Variants in TRMT10B observed in about 807,000 individuals in gnomAD.
TRMT10B encodes the protein tRNA methyltransferase 10B.
TRMT10B carries 33 observed loss-of-function variants against 43.8 expected under a neutral mutation model. The observed-to-expected ratio is 0.75, with a 90% CI of 0.57 to 1.01. The LOEUF (loss-of-function observed/expected upper bound fraction) is 1.01, where lower values mean the gene tolerates loss of function less well. Ranked by LOEUF, TRMT10B falls within the 50% of genes least tolerant of loss-of-function variation. The probability of loss-of-function intolerance (pLI) is 0.00; values close to 1 mark genes in which losing one functional copy is unlikely to be tolerated. For missense variants in TRMT10B, 362 were observed against 369.8 expected (o/e 0.98, Z 0.17); for synonymous variants, 137 against 130.6 (o/e 1.05, Z -0.34).
At chr9:37,762,177 T>C (rs1826415753) in intron 2 of TRMT10B, 60 bp downstream of exon 2, 16 of 1,511,446 alleles carry the variant, frequency 1.1e-5, no homozygotes, top group Non-Finnish European at 1.4e-5. Flanking sequence ...AAGACACCCC[T>C]GTTTTAAAGA....
intron 8 of TRMT10B, among the ~76,000 whole-genome samples, chr9:37,776,717 T>C (rs1251457043): frequency 6.6e-6 from 1 of 151,870 alleles, no homozygotes; most frequent in Non-Finnish European, 1.5e-5. Context: ...CTGGCCAACA[T>C]GGTGAAACCC....
intron 8 of TRMT10B, among the ~76,000 whole-genome samples, chr9:37,777,327 C>T (rs893966017): frequency 6.7e-6 from 1 of 148,214 alleles, no homozygotes; most frequent in African/African-American, 2.5e-5. Context: ...CTTGGCCCTT[C>T]CCCATCCCAG....
At chr9:37,770,935 G>T (rs1827508365) in intron 7 of TRMT10B, among the ~76,000 whole-genome samples, 196 bp downstream of exon 7, 1 of 152,240 alleles carries the variant, frequency 6.6e-6, no homozygotes, top group Admixed American at 6.5e-5. Flanking sequence ...GAAATCAAGA[G>T]TCGGGAACTG....
At position 37,777,857 on chromosome 9, in the gene TRMT10B, T is replaced by C. The variant is rs994365931; in HGVS notation, c.*150T>C. The C allele has an allele frequency of 1.4e-5, 8 of 560,298 alleles. No homozygotes were observed. In the East Asian group the frequency reaches 2.4e-4, roughly 17 times the overall value. 34.7% of individuals were successfully genotyped at this position (560,298 alleles called of 1,614,324 possible). ...CCTTCTCTACTGAAAATACAAAAAT[T>C]AGCCAGGTGTGGTGGCGCATACCTG... On this transcript the variant is annotated 3_prime_UTR_variant, in exon 9 of 9. Transcript: ENST00000297994.
Position 37,778,004 on chromosome 9 carries a change from C to CAA in TRMT10B, c.*306_*307dup. The CAA allele has an allele frequency of 1.1e-5, 2 of 187,556 alleles. No homozygotes were observed. Among genetic ancestry groups the CAA allele is most frequent in the Non-Finnish European group, 2.2e-5 (2 of 92,450 alleles). 11.6% of individuals were successfully genotyped at this position (187,556 alleles called of 1,614,324 possible). A position where few individuals can be genotyped will look rare whatever the true frequency, so the allele number is the denominator to read the frequency against. On this transcript the variant is annotated 3_prime_UTR_variant, in exon 9 of 9. Coordinates refer to ENST00000297994, the MANE Select transcript of TRMT10B (RefSeq NM_144964.4). ...TGGGTGACAGAGCAAGACTCCATCT[C>CAA]AAAAAAAAAATAAATAAAAAAAAAT...
chr9:37,766,296 T>C (rs1270516827), intron 4 of TRMT10B, among the ~76,000 whole-genome samples: 1 of 152,210 alleles, frequency 6.6e-6, no homozygotes, highest in Non-Finnish European at 1.5e-5. Flanking sequence ...TTTCTACATA[T>C]GGCTAGCCAG....
At chr9:37,767,808 A>T (rs1489726338) in intron 4 of TRMT10B, among the ~76,000 whole-genome samples, 2 of 152,212 alleles carry the variant, frequency 1.3e-5, no homozygotes, top group Non-Finnish European at 2.9e-5. Flanking sequence ...TAAAAGCTAA[A>T]ATAAGAATTT....
At position 37,768,078 on chromosome 9, in the gene TRMT10B, A is replaced by C; in HGVS notation, c.423A>C (p.Glu141Asp). The C allele has an allele frequency of 1.2e-6, 2 of 1,613,746 alleles. No homozygotes were observed. Among genetic ancestry groups the C allele is most frequent in the Non-Finnish European group, 1.7e-6 (2 of 1,179,882 alleles). The change falls in exon 5 of 9, where the codon GAA becomes GAC. Residue 141 changes from glutamate (E) to aspartate (D), a missense_variant and splice_region_variant. Coordinates refer to ENST00000297994, the MANE Select transcript of TRMT10B (RefSeq NM_144964.4). ...LSMTHYMSKK[E>D]LSRLAGQIRR... The stretch of plus-strand genomic sequence containing the variant: ...GAGTTGTTCTTATTTCTTTGAAGGA[A>C]TTAAGTAGACTGGCTGGACAGATTC...
Position 37,767,531 on chromosome 9 carries a change from A to AAAAAAT in TRMT10B, c.421-541_421-540insATAAAA, listed in dbSNP as rs1329142365. The stretch of plus-strand genomic sequence containing the variant: ...CTGTCTCCAAAAAAAAAAAAAAAAA[A>AAAAAAT]AAAATCCATATTGTTAAATTAAGAT... On this transcript the variant is annotated intron_variant, in intron 4 of 8. Transcript: ENST00000297994. 4.8e-5 allele frequency: 7 copies of AAAAAAT among 144,616 alleles called. 1 individual carries two copies. The East Asian group carries it at 1.3e-3, about 27-fold the overall frequency. 9.0% of individuals were successfully genotyped at this position (144,616 alleles called of 1,614,324 possible). A position where few individuals can be genotyped will look rare whatever the true frequency, so the allele number is the denominator to read the frequency against.
chr9:37,762,000 C>A lies in TRMT10B; in HGVS notation c.69C>A (p.Ile23=), dbSNP rs777038853. The A allele has an allele frequency of 4.3e-6, 7 of 1,613,986 alleles. No individual in the cohort carries two copies. The highest frequency in any genetic ancestry group is 5.1e-6 in the Non-Finnish European group (6 of 1,179,976). The change falls in exon 2 of 9, where the codon ATC becomes ATA. Residue 23 remains isoleucine (I), a synonymous_variant. Coordinates refer to ENST00000297994, the MANE Select transcript of TRMT10B (RefSeq NM_144964.4). ...ESPVLQGQEG[I]LEETGEDGLP... ...CTGTGCTGCAGGGGCAAGAAGGCATCCTAGAGGAGACAGGTGAAGATGGAC... is the reference window on the plus strand; with the variant it reads ...CTGTGCTGCAGGGGCAAGAAGGCATACTAGAGGAGACAGGTGAAGATGGAC...
intron 4 of TRMT10B, chr9:37,766,891 A>G (rs558824566): frequency 1.6e-4 from 25 of 152,320 alleles, no homozygotes; most frequent in Admixed American, 1.2e-3. Flanking sequence ...TTATTGGTGT[A>G]TAAGAATGCT....
At chr9:37,762,395 C>T (rs1826445408) in intron 2 of TRMT10B, 182 bp from the exon 3 acceptor site, 1 of 989,634 alleles carries the variant, frequency 1.0e-6, no homozygotes, top group Non-Finnish European at 1.4e-6. Context: ...GGTCATGTCT[C>T]TTTTTCTGGG....
At chr9:37,770,914 G>A (rs1348467131) in intron 7 of TRMT10B, among the ~76,000 whole-genome samples, 175 bp downstream of exon 7, 1 of 152,244 alleles carries the variant, frequency 6.6e-6, no homozygotes, top group Non-Finnish European at 1.5e-5. Context: ...CTCCTCATGA[G>A]CAATGTCAGC....
intron 6 of TRMT10B, 69 bp from the exon 7 acceptor site, chr9:37,770,603 A>G: frequency 7.3e-7 from 1 of 1,376,336 alleles, no homozygotes; most frequent in Non-Finnish European, 1.0e-6. Flanking sequence ...TAATTCTTTC[A>G]TTTTGCTTTC....
intron 7 of TRMT10B, among the ~76,000 whole-genome samples, chr9:37,773,118 T>C (rs1253119767): frequency 6.6e-6 from 1 of 152,200 alleles, no homozygotes; most frequent in African/African-American, 2.4e-5. Flanking sequence ...TGGCAAATTA[T>C]TTTTTATTGA....
intron 7 of TRMT10B, among the ~76,000 whole-genome samples, chr9:37,774,381 T>C (rs997227714): frequency 2.0e-5 from 3 of 152,218 alleles, no homozygotes; most frequent in African/African-American, 7.2e-5. Context: ...TTTTAACATA[T>C]TATCTGTCCA....
At chr9:37,760,978 A>C (rs1268451711) in intron 1 of TRMT10B, among the ~76,000 whole-genome samples, 1 of 152,230 alleles carries the variant, frequency 6.6e-6, no homozygotes, top group Non-Finnish European at 1.5e-5. Context: ...TGTCTGTAGT[A>C]TTCAACCTCA....
Position 37,762,697 on chromosome 9 carries a change from T to G in TRMT10B, c.295+12T>G. The G allele has an allele frequency of 6.4e-7, 1 of 1,564,076 alleles. No homozygotes were observed. The highest frequency in any genetic ancestry group is 8.7e-7 in the Non-Finnish European group (1 of 1,154,420). The stretch of plus-strand genomic sequence containing the variant: ...TGCAGAAAATCCAGGTGACAATAAA[T>G]GAGACTGTTGGTATAATAATATTTA... On this transcript the variant is annotated intron_variant, in intron 3 of 8. Transcript: ENST00000297994.
At chr9:37,753,511 CA>C (rs1825191992), upstream of TRMT10B, among the ~76,000 whole-genome samples, 2 of 149,098 alleles carry the variant, frequency 1.3e-5, no homozygotes, top group East Asian at 3.9e-4. Context: ...TTGCTTCACA[CA>C]CCCCAGTTTC....
Sources: gnomAD v4.1 joint callset for allele counts (sites outside exome capture counted in the v4.1 genomes callset) on GRCh38, gnomAD v4.1.1 for gene constraint, MANE v1.5 for transcripts, NCBI Gene and HGNC (gene_info 2026-07-23, HGNC 2026-07-21) for gene names.